Variants in IRS1 observed in about 807,000 individuals in gnomAD.
IRS1 encodes the protein insulin receptor substrate 1.
Under a neutral mutation model 65.6 loss-of-function variants are expected in IRS1, and 34 were observed. That is an observed-to-expected ratio of 0.52 (90% CI 0.39 to 0.69). The LOEUF (loss-of-function observed/expected upper bound fraction) is 0.69, where lower values mean the gene tolerates loss of function less well. IRS1 is among the 30% of genes least tolerant of loss of function. IRS1 has a pLI of 0.00. For missense variants in IRS1, 1,641 were observed against 1,720.2 expected (o/e 0.95, Z 0.81); for synonymous variants, 699 against 683.5 (o/e 1.02, Z -0.35).
At chr2:226,782,943 C>T (rs763297986) in intron 1 of IRS1, among the ~76,000 whole-genome samples, 6 of 152,150 alleles carry the variant, frequency 3.9e-5, no homozygotes, top group Non-Finnish European at 7.3e-5. Context: ...GAGGCTGCAG[C>T]GAGCCAAGAT....
chr2:226,799,220 AG>A lies in IRS1; in HGVS notation c.-483del. The A allele has an allele frequency of 9.0e-7, 1 of 1,116,952 alleles. No individual in the cohort carries two copies. Among genetic ancestry groups the A allele is most frequent in the Non-Finnish European group, 1.1e-6 (1 of 897,626 alleles). 69.2% of individuals were successfully genotyped at this position (1,116,952 alleles called of 1,614,324 possible). Reference sequence around the variant, plus strand: ...CGAGGCAAATTAAATATCCTTGGGCAGGGGGAGGCGGGTTGCCAAGTCCCAA... The same window carrying A: ...CGAGGCAAATTAAATATCCTTGGGCAGGGGAGGCGGGTTGCCAAGTCCCAA... On this transcript the variant is annotated 5_prime_UTR_variant, in exon 1 of 2. It introduces an in-frame stop codon into an upstream open reading frame of the 5' UTR. Transcript: ENST00000305123. This position sits in a 1 kb window ranked among gnomAD's most constrained non-coding sequence, Gnocchi z 6.1.
intron 1 of IRS1, among the ~76,000 whole-genome samples, chr2:226,756,203 T>C (rs1283573661): frequency 1.3e-5 from 2 of 152,238 alleles, no homozygotes; most frequent in Non-Finnish European, 2.9e-5. Context: ...ATTTATCTTA[T>C]ACCCGCATGT....
At chr2:226,776,285 C>T (rs1337833161) in intron 1 of IRS1, among the ~76,000 whole-genome samples, 1 of 151,692 alleles carries the variant, frequency 6.6e-6, no homozygotes, top group Non-Finnish European at 1.5e-5. Context: ...AGCCATGAGT[C>T]CATACTAATA....
In IRS1 at chr2:226,799,681, GGA is replaced by G. The variant is rs1255642447; in HGVS notation, c.-945_-944del. ...CTCCTCCCTCCTCCTCCTCCTCCTC[GGA>G]GAGTTGCCGAGAGCCCCAACCAAAA... On this transcript the variant is annotated 5_prime_UTR_variant, in exon 1 of 2. Coordinates refer to ENST00000305123, the MANE Select transcript of IRS1 (RefSeq NM_005544.3). The surrounding 1 kb of genome is among the most constrained non-coding windows in gnomAD (Gnocchi z 6.1). 1.0e-6 allele frequency: 1 copy of G among 1,000,384 alleles called. No individual in the cohort carries two copies. Among genetic ancestry groups the G allele is most frequent in the East Asian group, 1.1e-4 (1 of 8,786 alleles). The allele number at this position is 1,000,384 out of a possible 1,614,324, so 62.0% of individuals were successfully genotyped here.
At position 226,798,817 on chromosome 2, in the gene IRS1, CG is replaced by C. The variant is rs1419986757; in HGVS notation, c.-80del. On this transcript the variant is annotated 5_prime_UTR_variant, in exon 1 of 2. Transcript: ENST00000305123. The surrounding 1 kb of genome is among the most constrained non-coding windows in gnomAD (Gnocchi z 9.4). ...GGTGGGGGGCGGAGGCTCCTCGCCG[CG>C]GCCCGGCACATGCAAACAGGGCTGG... 3 of 1,551,742 alleles carry C rather than the reference CG, an allele frequency of 1.9e-6. No individual in the cohort carries two copies. The African/African-American group carries it at 4.1e-5, about 21-fold the overall frequency.
Position 226,731,657 on chromosome 2 carries a change from G to C in IRS1, c.*4615C>G, listed in dbSNP as rs536689276. On this transcript the variant is annotated 3_prime_UTR_variant, in exon 2 of 2. Coordinates refer to ENST00000305123, the MANE Select transcript of IRS1 (RefSeq NM_005544.3). ...ATTGGTCTTTGTGTACACAGATGAA[G>C]TAGCACCGGGGCAGCACCACCATCT... 3.9e-4 allele frequency: 59 copies of C among 152,234 alleles called. 1 individual carries two copies. Among genetic ancestry groups the C allele is most frequent in the African/African-American group, 1.1e-3 (44 of 41,534 alleles). 9.4% of individuals were successfully genotyped at this position (152,234 alleles called of 1,614,324 possible).
chr2:226,776,040 C>T (rs1939266369), intron 1 of IRS1, among the ~76,000 whole-genome samples: 1 of 151,916 alleles, frequency 6.6e-6, no homozygotes, highest in African/African-American at 2.4e-5. Context: ...AAGGAAGCAG[C>T]TCCTTAGAGA....
rs1339236082 is a variant in IRS1, at chr2:226,795,574, G to A, written c.3165C>T (p.Ala1055=). The part of the protein sequence containing the change: ...TGPQGAAELA[A]HSSLLGGPQG... ...GTGGGCCCCCCAGCAGGGACGAGTG[G>A]GCAGCCAGCTCTGCTGCCCCTTGAG... The change falls in exon 1 of 2, where the codon GCC becomes GCT. Residue 1055 remains alanine, a synonymous_variant. Transcript: ENST00000305123. 6.2e-7 allele frequency: 1 copy of A among 1,612,952 alleles called. No individual in the cohort carries two copies. Among genetic ancestry groups the A allele is most frequent in the Non-Finnish European group, 8.5e-7 (1 of 1,179,938 alleles).
At chr2:226,764,375 C>T (rs576274227) in intron 1 of IRS1, among the ~76,000 whole-genome samples, 9 of 151,944 alleles carry the variant, frequency 5.9e-5, no homozygotes, top group Non-Finnish European at 1.0e-4. Context: ...AAGACCCCTT[C>T]TCCAAAAAAA....
At chr2:226,768,961 C>T (rs1939111581) in intron 1 of IRS1, among the ~76,000 whole-genome samples, 1 of 152,156 alleles carries the variant, frequency 6.6e-6, no homozygotes, top group Non-Finnish European at 1.5e-5. Flanking sequence ...AACCAGAGCT[C>T]ACTGAGGCAA....
chr2:226,789,624 T>C (rs1393413814), intron 1 of IRS1, among the ~76,000 whole-genome samples: 1 of 152,140 alleles, frequency 6.6e-6, no homozygotes. Context: ...ACACCACCCC[T>C]GAAAAAGAGG....
chr2:226,741,804 C>T (rs1938442908), intron 1 of IRS1, among the ~76,000 whole-genome samples: 1 of 148,656 alleles, frequency 6.7e-6, no homozygotes, highest in East Asian at 2.1e-4. Flanking sequence ...CACACACACA[C>T]ACACACACAC....
Position 226,795,331 on chromosome 2 carries a change from C to T in IRS1, c.3408G>A (p.Glu1136=), listed in dbSNP as rs573529594. The change falls in exon 1 of 2, where the codon GAG becomes GAA. Residue 1136 remains glutamate (E), a synonymous_variant. Transcript: ENST00000305123. ...GGGGGSSSSS[E]DVKRHSSASF... ...AAGCAGAGCTGTGGCGTTTCACATC[C>T]TCGCTGCTGCTGCTGCTACCGCCAC... 1 of 1,613,466 alleles carries T rather than the reference C, an allele frequency of 6.2e-7. No individual in the cohort carries two copies. Among genetic ancestry groups the T allele is most frequent in the South Asian group, 1.1e-5 (1 of 91,084 alleles).
chr2:226,740,201 C>A (rs1938411351), intron 1 of IRS1, among the ~76,000 whole-genome samples: 1 of 152,208 alleles, frequency 6.6e-6, no homozygotes, highest in Non-Finnish European at 1.5e-5. Flanking sequence ...GGCAGAAATA[C>A]AATGCACCTG....
chr2:226,739,291 G>A (rs1430051089), intron 1 of IRS1, among the ~76,000 whole-genome samples: 4 of 152,280 alleles, frequency 2.6e-5, no homozygotes, highest in Admixed American at 2.6e-4. Context: ...GTGTATCTGT[G>A]TAGGCACATA....
In IRS1 at chr2:226,735,500, T is replaced by A. The variant is rs1486870114; in HGVS notation, c.*772A>T. The A allele has an allele frequency of 6.6e-6, 1 of 152,512 alleles. No individual in the cohort carries two copies. The highest frequency in any genetic ancestry group is 1.9e-4 in the East Asian group (1 of 5,202). The allele number at this position is 152,512 out of a possible 1,614,324, so 9.4% of individuals were successfully genotyped here. A position where few individuals can be genotyped will look rare whatever the true frequency, so the allele number is the denominator to read the frequency against. Reference sequence around the variant, plus strand: ...TTGTCTTACAGGAAAAAATACAAAATTAAGATTAATTCTTATAAGGAACTC... The same window carrying A: ...TTGTCTTACAGGAAAAAATACAAAAATAAGATTAATTCTTATAAGGAACTC... On this transcript the variant is annotated 3_prime_UTR_variant, in exon 2 of 2. Transcript: ENST00000305123.
chr2:226,765,904 A>G (rs1939020688), intron 1 of IRS1, among the ~76,000 whole-genome samples: 1 of 151,614 alleles, frequency 6.6e-6, no homozygotes, highest in African/African-American at 2.4e-5. Context: ...TGAAAAAACT[A>G]TATTACCTTA....
At chr2:226,774,779 C>A (rs992205701) in intron 1 of IRS1, among the ~76,000 whole-genome samples, 1 of 152,114 alleles carries the variant, frequency 6.6e-6, no homozygotes, top group Non-Finnish European at 1.5e-5. Context: ...AGCTATCAAG[C>A]CACAAAAGAT....
At chr2:226,793,820 C>T (rs1272637672) in intron 1 of IRS1, among the ~76,000 whole-genome samples, 1 of 152,196 alleles carries the variant, frequency 6.6e-6, no homozygotes, top group African/African-American at 2.4e-5. Context: ...GCAAACTGTA[C>T]TCTCTTCTAC....
Sources: gnomAD v4.1 joint callset for allele counts (sites outside exome capture counted in the v4.1 genomes callset) on GRCh38, gnomAD v4.1.1 for gene constraint, Gnocchi (gnomAD v3.1) non-coding constraint, MANE v1.5 for transcripts, NCBI Gene and HGNC (gene_info 2026-07-23, HGNC 2026-07-21) for gene names.